The following SHISA9 variants were observed in gnomAD, a reference collection of about 807,000 sequenced individuals.
SHISA9 encodes shisa family member 9.
Under a neutral mutation model 38.0 loss-of-function variants are expected in SHISA9, and 13 were observed. That is an observed-to-expected ratio of 0.34 (90% CI 0.22 to 0.54). The LOEUF (loss-of-function observed/expected upper bound fraction) is 0.54. Among genes scored for constraint, SHISA9 ranks in the 20% least tolerant of loss-of-function variants. The pLI is 0.91. For synonymous variants in SHISA9, 275 were observed against 242.0 expected (o/e 1.14, Z -1.27); for missense variants, 538 against 575.8 (o/e 0.93, Z 0.67).
chr16:13,186,288 C>T (rs866733953), intron 2 of SHISA9, among the ~76,000 whole-genome samples: 1,045 of 104,280 alleles, frequency 0.01, 7 homozygotes, highest in Non-Finnish European at 0.015. Flanking sequence ...CCATCTTAAC[C>T]TTTTTTTTTT....
chr16:13,386,527 C>T, the SHISA9 span, among the ~76,000 whole-genome samples: 4 of 152,176 alleles, frequency 2.6e-5, no homozygotes, highest in East Asian at 7.7e-4. Flanking sequence ...TAGTACTTAG[C>T]TTGTTCCAAG....
the SHISA9 span, among the ~76,000 whole-genome samples, chr16:13,254,073 C>T: frequency 6.6e-6 from 1 of 152,140 alleles, no homozygotes; most frequent in Non-Finnish European, 1.5e-5. Flanking sequence ...TCATCTTTGT[C>T]AGGCTGCCAA....
chr16:13,047,274 T>C lies in SHISA9; in HGVS notation c.691+130459T>C, dbSNP rs75559760. On this transcript the variant is annotated intron_variant, in intron 2 of 4. Coordinates refer to ENST00000558583, the MANE Select transcript of SHISA9 (RefSeq NM_001145204.3). ...CCATCATGGGAAGAAGGGAGCCAGC[T>C]CACTCCCTGCCACTGGCCAGCAGGC... 0.011 allele frequency among the ~76,000 whole-genome samples: 1,639 copies of C among 151,796 alleles called. 90 individuals are homozygous for C. In the East Asian group the frequency reaches 0.17, roughly 16 times the overall value.
the SHISA9 span, among the ~76,000 whole-genome samples, chr16:13,448,180 A>T: frequency 1.3e-5 from 2 of 152,134 alleles, no homozygotes; most frequent in South Asian, 2.1e-4. Context: ...TCATTTGGAG[A>T]AAAATTTTCA....
In SHISA9 at chr16:12,938,655, G is replaced by A. The variant is rs11641756; in HGVS notation, c.691+21840G>A. On this transcript the variant is annotated intron_variant, in intron 2 of 4. Coordinates refer to ENST00000558583, the MANE Select transcript of SHISA9 (RefSeq NM_001145204.3). ...TGGGATTACCGGCACCTGCCACCAC[G>A]CCCAGCTAATTTTTTTTTTGTATTT... Among the ~76,000 whole-genome samples the A allele has an allele frequency of 2.7e-3, 417 of 151,960 alleles. 1 individual carries two copies. Among genetic ancestry groups the A allele is most frequent in the Non-Finnish European group, 5.1e-3 (344 of 67,974 alleles).
At chr16:13,461,401 G>A in the SHISA9 span, among the ~76,000 whole-genome samples, 144 of 152,110 alleles carry the variant, frequency 9.5e-4, no homozygotes, top group African/African-American at 3.3e-3. Context: ...TCAACATGAT[G>A]AAACTCTGTC....
chr16:13,327,227 G>A, the SHISA9 span, among the ~76,000 whole-genome samples: 5 of 152,102 alleles, frequency 3.3e-5, no homozygotes, highest in Admixed American at 3.3e-4. Context: ...GCATGTCCTT[G>A]CCTGGGAGGA....
intron 2 of SHISA9, among the ~76,000 whole-genome samples, chr16:12,923,841 C>A (rs34463740): frequency 0.27 from 37,471 of 139,560 alleles, 5,207 homozygotes; most frequent in Middle Eastern, 0.34. Flanking sequence ...ACTCCATCTC[C>A]AAAAAAAAAA....
At chr16:13,541,515 A>C in the SHISA9 span, among the ~76,000 whole-genome samples, 1 of 152,214 alleles carries the variant, frequency 6.6e-6, no homozygotes, top group Non-Finnish European at 1.5e-5. Context: ...TTGTGTGGTC[A>C]GCCGGAATTT....
intron 2 of SHISA9, among the ~76,000 whole-genome samples, chr16:13,004,943 G>GA (rs59694628): frequency 0.1 from 10,366 of 103,692 alleles, 450 homozygotes; most frequent in South Asian, 0.14. Context: ...TTAAGAAAAA[G>GA]AAAAAAAAAA....
At chr16:13,393,177 A>G in the SHISA9 span, among the ~76,000 whole-genome samples, 48 of 152,076 alleles carry the variant, frequency 3.2e-4, no homozygotes, top group African/African-American at 1.2e-3. Flanking sequence ...CCTCGTGCTC[A>G]CTGTATCCAC....
At chr16:13,285,462 GTTT>G in the SHISA9 span, among the ~76,000 whole-genome samples, 186 of 95,776 alleles carry the variant, frequency 1.9e-3, no homozygotes, top group Middle Eastern at 6.0e-3. Context: ...TTCAGGTGTA[GTTT>G]TTTTTTTTTT....
chr16:13,007,920 C>T (rs1171059949), intron 2 of SHISA9, among the ~76,000 whole-genome samples: 1 of 152,106 alleles, frequency 6.6e-6, no homozygotes, highest in Non-Finnish European at 1.5e-5. Flanking sequence ...CAGGGTCTTG[C>T]ACTTGTAGGT....
At chr16:13,314,872 C>A in the SHISA9 span, among the ~76,000 whole-genome samples, 3 of 152,164 alleles carry the variant, frequency 2.0e-5, no homozygotes, top group East Asian at 5.8e-4. Context: ...TTCAATTATG[C>A]AGGATGAATA....
chr16:13,446,216 A>G, the SHISA9 span, among the ~76,000 whole-genome samples: 3 of 152,124 alleles, frequency 2.0e-5, no homozygotes, highest in African/African-American at 7.2e-5. Context: ...AAGTGCTGGG[A>G]TTACAGGTGT....
At chr16:12,994,931 A>T (rs936293222) in intron 2 of SHISA9, among the ~76,000 whole-genome samples, 1 of 152,202 alleles carries the variant, frequency 6.6e-6, no homozygotes, top group African/African-American at 2.4e-5. Context: ...AAGTCCACAG[A>T]TGAATATATG....
At chr16:13,294,596 G>T in the SHISA9 span, among the ~76,000 whole-genome samples, 1 of 152,312 alleles carries the variant, frequency 6.6e-6, no homozygotes, top group South Asian at 2.1e-4. Context: ...CATTCCACTT[G>T]TTATGTGCAT....
chr16:13,218,836 C>G (rs2051195540), intron 4 of SHISA9, among the ~76,000 whole-genome samples: 1 of 152,196 alleles, frequency 6.6e-6, no homozygotes, highest in Non-Finnish European at 1.5e-5. Flanking sequence ...AATAGGGTTA[C>G]AGTTCCATTG....
At chr16:13,270,309 G>A in the SHISA9 span, among the ~76,000 whole-genome samples, 1 of 152,076 alleles carries the variant, frequency 6.6e-6, no homozygotes, top group Admixed American at 6.6e-5. Flanking sequence ...GCAGGAGTTG[G>A]GGGCGAGGGG....
Sources: allele counts gnomAD v4.1 joint callset (sites outside exome capture counted in the v4.1 genomes callset), GRCh38; gene constraint gnomAD v4.1.1; transcripts MANE v1.5; gene names NCBI Gene and HGNC (gene_info 2026-07-23, HGNC 2026-07-21).